FARP1: variants seen among roughly 807,000 people sequenced by gnomAD.
The protein encoded by FARP1 is FERM, ARHGEF and pleckstrin domain-containing protein 1.
FARP1 carries 52 observed loss-of-function variants against 128.8 expected under a neutral mutation model. That is an observed-to-expected ratio of 0.40 (90% CI 0.32 to 0.51). The LOEUF (loss-of-function observed/expected upper bound fraction) is 0.51. Among genes scored for constraint, FARP1 ranks in the 20% least tolerant of loss-of-function variants. The probability of loss-of-function intolerance (pLI) is 0.45; values close to 1 mark genes in which losing one functional copy is unlikely to be tolerated. For missense variants in FARP1, 1,333 were observed against 1,367.9 expected (o/e 0.97, Z 0.40); for synonymous variants, 580 against 551.8 (o/e 1.05, Z -0.72).
chr13:98,356,851 T>A (rs1888666256), intron 3 of FARP1, among the ~76,000 whole-genome samples: 1 of 151,988 alleles, frequency 6.6e-6, no homozygotes, highest in Non-Finnish European at 1.5e-5. Context: ...GCCAGGCTGG[T>A]CGCGAACTCC....
chr13:98,345,122 C>G (rs1888126371), intron 3 of FARP1, among the ~76,000 whole-genome samples: 1 of 152,170 alleles, frequency 6.6e-6, no homozygotes. Context: ...GTTTCATGCT[C>G]TTATTTCATG....
At chr13:98,295,205 G>A (rs1474542527) in intron 2 of FARP1, among the ~76,000 whole-genome samples, 1 of 151,664 alleles carries the variant, frequency 6.6e-6, no homozygotes, top group Non-Finnish European at 1.5e-5. Flanking sequence ...TCATGTTTAG[G>A]GCTTCTTGCC....
At chr13:98,147,314 G>A (rs1224114786) in intron 1 of FARP1, among the ~76,000 whole-genome samples, 1 of 152,118 alleles carries the variant, frequency 6.6e-6, no homozygotes, top group East Asian at 1.9e-4. Context: ...CAGATTTTAA[G>A]TTTTCTTAGT....
At chr13:98,238,606 T>G (rs1882584829) in intron 2 of FARP1, among the ~76,000 whole-genome samples, 1 of 152,070 alleles carries the variant, frequency 6.6e-6, no homozygotes, top group African/African-American at 2.4e-5. Context: ...AGAGAGAGTG[T>G]GCAGGGAAAC....
At chr13:98,438,665 C>T in intron 19 of FARP1, 139 bp from the exon 20 acceptor site, 2 of 661,690 alleles carry the variant, frequency 3.0e-6, no homozygotes, top group East Asian at 5.3e-5. Flanking sequence ...TTTGCACGCT[C>T]GCAGTCCGTT....
At chr13:98,430,044 C>A (rs1891950316) in intron 17 of FARP1, among the ~76,000 whole-genome samples, 3 of 152,106 alleles carry the variant, frequency 2.0e-5, no homozygotes, top group Admixed American at 6.5e-5. Flanking sequence ...TTTGAGACCA[C>A]CAGCCTGGGC....
chr13:98,151,818 C>T (rs767906699), intron 1 of FARP1, among the ~76,000 whole-genome samples: 1 of 151,836 alleles, frequency 6.6e-6, no homozygotes, highest in Non-Finnish European at 1.5e-5. Context: ...CACGCCACCA[C>T]GCCCGGCTAA....
chr13:98,179,325 C>A (rs1004249476), intron 1 of FARP1, among the ~76,000 whole-genome samples: 1 of 152,184 alleles, frequency 6.6e-6, no homozygotes, highest in Non-Finnish European at 1.5e-5. Context: ...CCCCATGATT[C>A]AGTTATCTCT....
chr13:98,306,417 G>GA (rs1018286225), intron 2 of FARP1, among the ~76,000 whole-genome samples: 2 of 152,202 alleles, frequency 1.3e-5, no homozygotes, highest in African/African-American at 4.8e-5. Flanking sequence ...GAAAACAGTC[G>GA]AAGAGTTTTA....
chr13:98,215,206 T>C (rs1880986562), intron 2 of FARP1, among the ~76,000 whole-genome samples: 1 of 152,232 alleles, frequency 6.6e-6, no homozygotes, highest in Non-Finnish European at 1.5e-5. Context: ...TTTTTATCTT[T>C]TAAAATGATT....
At chr13:98,331,668 A>G (rs971765164) in intron 2 of FARP1, 6 of 152,136 alleles carry the variant, frequency 3.9e-5, no homozygotes, top group African/African-American at 1.4e-4. Flanking sequence ...CACTTTATGT[A>G]TATTTCCTTC....
intron 2 of FARP1, among the ~76,000 whole-genome samples, chr13:98,307,408 T>C (rs1886214945): frequency 6.6e-6 from 1 of 152,110 alleles, no homozygotes; most frequent in African/African-American, 2.4e-5. Context: ...CTTGCCCCGG[T>C]TTCCCCCACC....
At chr13:98,348,768 T>C (rs1888283448) in intron 3 of FARP1, among the ~76,000 whole-genome samples, 1 of 152,104 alleles carries the variant, frequency 6.6e-6, no homozygotes, top group Non-Finnish European at 1.5e-5. Flanking sequence ...CACTGAAAAA[T>C]GTAAAAGCCA....
chr13:98,424,706 C>A, intron 17 of FARP1, 56 bp downstream of exon 17: 1 of 1,212,182 alleles, frequency 8.2e-7, no homozygotes. Flanking sequence ...TCGAGCGGGG[C>A]TGCCATGGGC....
intron 13 of FARP1, chr13:98,395,786 G>A (rs1594486093): frequency 4.9e-6 from 2 of 406,614 alleles, no homozygotes; most frequent in Non-Finnish European, 8.7e-6. Context: ...ATGAGCGGGA[G>A]CCCTCGACTC....
intron 13 of FARP1, chr13:98,404,258 T>C (rs1156595789): frequency 6.6e-6 from 1 of 152,258 alleles, no homozygotes; most frequent in African/African-American, 2.4e-5. Context: ...TTAAAGGAAC[T>C]GGGTCTAAGA....
At chr13:98,285,287 A>G (rs767251838) in intron 2 of FARP1, among the ~76,000 whole-genome samples, 12 of 152,170 alleles carry the variant, frequency 7.9e-5, no homozygotes, top group Non-Finnish European at 1.8e-4. Context: ...AGGCATTCTT[A>G]CTTATAAGAA....
chr13:98,374,036 A>G lies in FARP1; in HGVS notation c.399-3785A>G, dbSNP rs186310231. ...TAAGATATCCTTTCTGAATTTTTCT[A>G]TGCATACATATGTACTTTTCATCTC... On this transcript the variant is annotated intron_variant, in intron 5 of 26. Coordinates refer to ENST00000319562, the MANE Select transcript of FARP1 (RefSeq NM_005766.4). Among the ~76,000 whole-genome samples, 124 of 152,346 alleles carry G rather than the reference A, an allele frequency of 8.1e-4. 1 individual carries two copies. The highest frequency in any genetic ancestry group is 2.6e-3 in the African/African-American group (110 of 41,588).
At chr13:98,296,804 C>A (rs559542921) in intron 2 of FARP1, among the ~76,000 whole-genome samples, 107 of 150,850 alleles carry the variant, frequency 7.1e-4, no homozygotes, top group Middle Eastern at 6.9e-3. Context: ...CTCACCTCTG[C>A]CTCTTGAGTA....
Sources: allele counts gnomAD v4.1 joint callset (sites outside exome capture counted in the v4.1 genomes callset), GRCh38; gene constraint gnomAD v4.1.1; transcripts MANE v1.5; gene names NCBI Gene and HGNC (gene_info 2026-07-23, HGNC 2026-07-21).